ZMYM5: variants seen among roughly 807,000 people sequenced by gnomAD.
The protein encoded by ZMYM5 is zinc finger MYM-type containing 5.
In ZMYM5, 41 loss-of-function variants were observed where a neutral mutation model predicts 61.8. The observed-to-expected ratio is 0.66, with a 90% CI of 0.52 to 0.86. ZMYM5 has a LOEUF of 0.86. ZMYM5 is among the 40% of genes least tolerant of loss of function. The pLI is 0.00. For missense variants in ZMYM5, 706 were observed against 786.7 expected (o/e 0.90, Z 1.23); for synonymous variants, 257 against 276.4 (o/e 0.93, Z 0.70).
chr13:19,857,678 G>C (rs531770275), intron 2 of ZMYM5, among the ~76,000 whole-genome samples: 9 of 152,280 alleles, frequency 5.9e-5, no homozygotes, highest in African/African-American at 2.2e-4. Context: ...GAGGCCAGGA[G>C]TTCAAGACCA....
chr13:19,855,413 TCAC>T (rs1953465310), intron 2 of ZMYM5, among the ~76,000 whole-genome samples: 1 of 151,840 alleles, frequency 6.6e-6, no homozygotes, highest in South Asian at 2.1e-4. Context: ...CAGGTGCCTG[TCAC>T]CACACCTGGC....
intron 4 of ZMYM5, among the ~76,000 whole-genome samples, chr13:19,846,200 G>A (rs1018278093): frequency 1.3e-5 from 2 of 152,112 alleles, no homozygotes; most frequent in African/African-American, 2.4e-5. Flanking sequence ...TTAAAGTTTA[G>A]CCTTTGACAT....
At chr13:19,850,277 A>C (rs573849006) in intron 4 of ZMYM5, among the ~76,000 whole-genome samples, 1 of 152,308 alleles carries the variant, frequency 6.6e-6, no homozygotes, top group South Asian at 2.1e-4. Context: ...AACTTTCAGA[A>C]TTAAGCGACT....
chr13:19,860,432 G>T (rs1228549132), intron 2 of ZMYM5, among the ~76,000 whole-genome samples: 16 of 91,422 alleles, frequency 1.8e-4, no homozygotes, highest in South Asian at 4.7e-4. Flanking sequence ...GGCTAATTTT[G>T]TGTGTGTGTG....
intron 1 of ZMYM5, among the ~76,000 whole-genome samples, chr13:19,863,088 A>G (rs1278456692): frequency 6.6e-6 from 1 of 152,160 alleles, no homozygotes; most frequent in Non-Finnish European, 1.5e-5. Context: ...CCTGACAGCG[A>G]AGACCCGGCC....
chr13:19,845,672 A>G (rs1953050428), intron 4 of ZMYM5, among the ~76,000 whole-genome samples: 2 of 152,286 alleles, frequency 1.3e-5, no homozygotes, highest in East Asian at 1.9e-4. Context: ...ATTTACATTT[A>G]GTTGTTTGTT....
intron 1 of ZMYM5, among the ~76,000 whole-genome samples, chr13:19,863,099 G>A (rs1157957640): frequency 6.6e-6 from 1 of 152,170 alleles, no homozygotes; most frequent in Non-Finnish European, 1.5e-5. Flanking sequence ...AGACCCGGCC[G>A]GGGCGCCCCT....
chr13:19,832,968 G>A (rs1280807929), intron 7 of ZMYM5, among the ~76,000 whole-genome samples: 1 of 143,606 alleles, frequency 7.0e-6, no homozygotes, highest in Non-Finnish European at 1.5e-5. Flanking sequence ...TCCTGGACTA[G>A]TGCCATCCTC....
At chr13:19,855,827 C>T (rs1475764459) in intron 2 of ZMYM5, among the ~76,000 whole-genome samples, 2 of 151,124 alleles carry the variant, frequency 1.3e-5, no homozygotes, top group Admixed American at 6.6e-5. Context: ...CTGGCTAACA[C>T]GGTGAAAACC....
intron 5 of ZMYM5, among the ~76,000 whole-genome samples, chr13:19,838,086 C>T (rs1428629214): frequency 1.3e-5 from 2 of 152,020 alleles, no homozygotes; most frequent in Non-Finnish European, 2.9e-5. Flanking sequence ...TTCAAAAATG[C>T]TGGTAATAGG....
Position 19,852,002 on chromosome 13 carries a change from A to ACATCATCAT in ZMYM5, c.170_178dup (p.Asp57_Asp59dup). On this transcript the variant is annotated inframe_insertion, in exon 3 of 8. Transcript: ENST00000337963. ...AGGTTGTATAGATTCAATAAACACA[A>ACATCATCAT]CATCATCATCATCATCATCATCTTC... The ACATCATCAT allele has an allele frequency of 1.9e-6, 3 of 1,613,166 alleles. No individual in the cohort carries two copies. Among genetic ancestry groups the ACATCATCAT allele is most frequent in the Non-Finnish European group, 2.5e-6 (3 of 1,179,456 alleles).
At chr13:19,860,751 T>C (rs1232752724) in intron 2 of ZMYM5, among the ~76,000 whole-genome samples, 1 of 150,634 alleles carries the variant, frequency 6.6e-6, no homozygotes. Flanking sequence ...ACTTCTAATA[T>C]AAAAAGAACT....
chr13:19,837,844 A>T, intron 5 of ZMYM5, 23 bp from the exon 6 acceptor site: 5 of 1,566,344 alleles, frequency 3.2e-6, no homozygotes, highest in Non-Finnish European at 4.3e-6. Flanking sequence ...GGATAGACAC[A>T]TAATTTAAGA....
At chr13:19,849,081 G>A (rs935388516) in intron 4 of ZMYM5, among the ~76,000 whole-genome samples, 21 of 151,974 alleles carry the variant, frequency 1.4e-4, no homozygotes, top group African/African-American at 5.1e-4. Flanking sequence ...AAAATACATA[G>A]GGGAATGAGT....
chr13:19,863,174 C>T (rs1356095998), intron 1 of ZMYM5, among the ~76,000 whole-genome samples: 28 of 151,796 alleles, frequency 1.8e-4, no homozygotes, highest in African/African-American at 6.5e-4. Context: ...CCGCGACCTC[C>T]CCGGGCGGCC....
chr13:19,831,465 C>T (rs1005115349), intron 7 of ZMYM5, among the ~76,000 whole-genome samples: 2 of 151,802 alleles, frequency 1.3e-5, no homozygotes, highest in African/African-American at 4.8e-5. Context: ...GTAGAATGAG[C>T]ACTTTATTCT....
intron 1 of ZMYM5, among the ~76,000 whole-genome samples, chr13:19,862,767 G>A (rs1342689663): frequency 6.6e-6 from 1 of 152,202 alleles, no homozygotes; most frequent in African/African-American, 2.4e-5. Flanking sequence ...GCCAGCAAGG[G>A]ATTTGTATTC....
chr13:19,827,465 T>A (rs530013432), intron 7 of ZMYM5, among the ~76,000 whole-genome samples: 2 of 152,318 alleles, frequency 1.3e-5, no homozygotes, highest in East Asian at 1.9e-4. Flanking sequence ...TAAAATTTGA[T>A]TTTAATTGAA....
intron 7 of ZMYM5, among the ~76,000 whole-genome samples, chr13:19,833,791 A>T (rs1952592281): frequency 6.6e-6 from 1 of 152,220 alleles, no homozygotes; most frequent in South Asian, 2.1e-4. Flanking sequence ...TTCAAAAGTA[A>T]TATTAGGAAA....
Sources: allele counts gnomAD v4.1 joint callset (sites outside exome capture counted in the v4.1 genomes callset), GRCh38; gene constraint gnomAD v4.1.1; transcripts MANE v1.5; gene names NCBI Gene and HGNC (gene_info 2026-07-23, HGNC 2026-07-21).